The following SVIL variants were observed in gnomAD, a reference collection of about 807,000 sequenced individuals.
SVIL encodes the protein archvillin.
Under a neutral mutation model 240.4 loss-of-function variants are expected in SVIL, and 101 were observed. That is an observed-to-expected ratio of 0.42 (90% CI 0.36 to 0.50). The LOEUF is 0.50. SVIL is among the 20% of genes least tolerant of loss of function. The pLI is 0.01. For synonymous variants in SVIL, 999 were observed against 1,100.0 expected (o/e 0.91, Z 1.82); for missense variants, 2,512 against 2,818.7 (o/e 0.89, Z 2.46).
intron 1 of SVIL, among the ~76,000 whole-genome samples, chr10:29,724,398 T>C (rs200248520): frequency 2.1e-3 from 147 of 71,456 alleles, no homozygotes; most frequent in Middle Eastern, 7.6e-3. Context: ...CACACACACA[T>C]ACACACAGAT....
intron 2 of SVIL, chr10:29,670,868 T>C (rs1347817507): frequency 6.6e-6 from 1 of 152,206 alleles, no homozygotes; most frequent in Non-Finnish European, 1.5e-5. Context: ...GGATTCAAAA[T>C]GGAAGGGAAA....
At chr10:29,729,362 A>G (rs1247095) in intron 1 of SVIL, among the ~76,000 whole-genome samples, 15,411 of 151,980 alleles carry the variant, frequency 0.1, 1,098 homozygotes, top group Admixed American at 0.16. Flanking sequence ...TTGATGGTAT[A>G]AAGGTGAAGT....
At chr10:29,692,535 C>A (rs1961589604) in intron 1 of SVIL, among the ~76,000 whole-genome samples, 2 of 152,034 alleles carry the variant, frequency 1.3e-5, no homozygotes, top group Non-Finnish European at 2.9e-5. Flanking sequence ...CAGGAGAGAT[C>A]TGTGATGATT....
chr10:29,666,169 C>T (rs1403227049), intron 2 of SVIL, among the ~76,000 whole-genome samples: 1 of 152,204 alleles, frequency 6.6e-6, no homozygotes, highest in East Asian at 1.9e-4. Flanking sequence ...CCTCCTGCCT[C>T]AGCCTTTCAA....
intron 1 of SVIL, among the ~76,000 whole-genome samples, chr10:29,591,240 T>C (rs1956377758): frequency 6.6e-6 from 1 of 152,202 alleles, no homozygotes; most frequent in Non-Finnish European, 1.5e-5. Flanking sequence ...TGCTTCTGCA[T>C]TGCTGGTTTC....
intron 1 of SVIL, among the ~76,000 whole-genome samples, chr10:29,722,496 A>T (rs778809818): frequency 1.3e-5 from 2 of 152,218 alleles, no homozygotes; most frequent in Non-Finnish European, 2.9e-5. Flanking sequence ...TTTAAAGAAA[A>T]AGAACGAAAG....
At chr10:29,621,499 A>G (rs1004732447) in intron 1 of SVIL, among the ~76,000 whole-genome samples, 5 of 152,266 alleles carry the variant, frequency 3.3e-5, no homozygotes, top group African/African-American at 1.2e-4. Flanking sequence ...GTGCAGAGGG[A>G]ACCATGACTC....
chr10:29,675,795 A>G (rs1344060967), intron 2 of SVIL, among the ~76,000 whole-genome samples: 1 of 152,228 alleles, frequency 6.6e-6, no homozygotes, highest in Admixed American at 6.5e-5. Flanking sequence ...ATTCATGGGT[A>G]TCTTATTGCT....
intron 36 of SVIL, among the ~76,000 whole-genome samples, chr10:29,460,223 A>C (rs1465659495): frequency 6.6e-6 from 1 of 152,200 alleles, no homozygotes; most frequent in African/African-American, 2.4e-5. Context: ...TAAAATGGGA[A>C]TAATAATAAG....
chr10:29,712,061 T>C (rs182063482), intron 1 of SVIL: 1 of 152,274 alleles, frequency 6.6e-6, no homozygotes, highest in East Asian at 1.9e-4. Context: ...GAAAAAGATA[T>C]TAAGAACTAT....
At chr10:29,716,882 C>A (rs1342747576) in intron 1 of SVIL, among the ~76,000 whole-genome samples, 1 of 152,134 alleles carries the variant, frequency 6.6e-6, no homozygotes, top group South Asian at 2.1e-4. Context: ...AACTACAATG[C>A]AGGATTTTCT....
At chr10:29,551,409 A>G in intron 5 of SVIL, 146 bp from the exon 6 acceptor site, 1 of 764,472 alleles carries the variant, frequency 1.3e-6, no homozygotes, top group East Asian at 2.7e-5. Flanking sequence ...GTTTGCCTAA[A>G]CTGATTATTT....
In SVIL at chr10:29,532,955, G is replaced by A. The variant is rs745950178; in HGVS notation, c.1412C>T (p.Pro471Leu). 8 of 1,614,096 alleles carry A rather than the reference G, an allele frequency of 5.0e-6. No individual in the cohort carries two copies. Among genetic ancestry groups the A allele is most frequent in the Non-Finnish European group, 6.8e-6 (8 of 1,180,032 alleles). ...GDGLVRSPEDPSRNEDFGKPA... is the reference protein window; with the variant it reads ...GDGLVRSPEDLSRNEDFGKPA... The stretch of plus-strand genomic sequence containing the variant: ...CTTACCAAAGTCCTCATTTCTAGAG[G>A]GATCTTCTGGGCTTCTCACTAGCCC... The change falls in exon 8 of 38, where the codon CCC becomes CTC. Residue 471 changes from proline (P) to leucine (L), a missense_variant. Transcript: ENST00000355867.
At chr10:29,731,463 A>G (rs1964616543) in intron 1 of SVIL, among the ~76,000 whole-genome samples, 1 of 152,250 alleles carries the variant, frequency 6.6e-6, no homozygotes, top group Non-Finnish European at 1.5e-5. Flanking sequence ...GTCTGGAGAC[A>G]CATTGTAACT....
At chr10:29,566,461 G>T (rs1169665780) in intron 2 of SVIL, among the ~76,000 whole-genome samples, 1 of 152,202 alleles carries the variant, frequency 6.6e-6, no homozygotes, top group African/African-American at 2.4e-5. Context: ...GCTGGAAAGT[G>T]TGGCTCTGGC....
chr10:29,563,789 G>A (rs150060032), intron 2 of SVIL, among the ~76,000 whole-genome samples: 1 of 152,288 alleles, frequency 6.6e-6, no homozygotes, highest in Admixed American at 6.5e-5. Context: ...GCCTCATGAA[G>A]ACTCGTGTTG....
chr10:29,651,904 C>G (rs1024286108), intron 3 of SVIL, among the ~76,000 whole-genome samples: 15 of 152,082 alleles, frequency 9.9e-5, no homozygotes, highest in Non-Finnish European at 1.9e-4. Flanking sequence ...AGAAATTGCT[C>G]AAGACCAAAA....
At chr10:29,558,218 C>T (rs1421790859) in intron 3 of SVIL, among the ~76,000 whole-genome samples, 4 of 152,112 alleles carry the variant, frequency 2.6e-5, no homozygotes, top group Non-Finnish European at 4.4e-5. Context: ...CTATGCCAAG[C>T]CTATTGCTCC....
At chr10:29,724,850 C>T (rs989278051) in intron 1 of SVIL, among the ~76,000 whole-genome samples, 12 of 151,690 alleles carry the variant, frequency 7.9e-5, no homozygotes, top group Non-Finnish European at 1.8e-4. Context: ...GGTGAAACCC[C>T]GTCTCCACCA....
Sources: allele counts gnomAD v4.1 joint callset (sites outside exome capture counted in the v4.1 genomes callset), GRCh38; gene constraint gnomAD v4.1.1; transcripts MANE v1.5; gene names NCBI Gene and HGNC (gene_info 2026-07-23, HGNC 2026-07-21).